The following KAZN variants were observed in gnomAD, a reference collection of about 807,000 sequenced individuals.
KAZN encodes the protein kazrin, periplakin interacting protein, also known as kazrin.
In KAZN, 40 loss-of-function variants were observed where a neutral mutation model predicts 87.4. The ratio of observed to expected loss-of-function variants is 0.46; its 90% CI spans 0.36 to 0.60. The LOEUF is 0.60. KAZN is among the 20% of genes least tolerant of loss of function. KAZN has a pLI of 0.00. For synonymous variants in KAZN, 466 were observed against 458.3 expected, an observed-to-expected ratio of 1.02 and a Z score of -0.22; for missense variants, 898 against 1,073.9, an observed-to-expected ratio of 0.84 and a Z score of 2.29.
At chr1:14,390,095 T>G (rs908242232) in intron 2 of KAZN, among the ~76,000 whole-genome samples, 30 of 120,620 alleles carry the variant, frequency 2.5e-4, no homozygotes, top group African/African-American at 7.6e-4. Context: ...AATTTCACTG[T>G]TTTTTTTCCA....
At chr1:14,734,076 G>A (rs1402012022) in intron 1 of KAZN, among the ~76,000 whole-genome samples, 1 of 152,200 alleles carries the variant, frequency 6.6e-6, no homozygotes, top group Non-Finnish European at 1.5e-5. Context: ...GGGAATCACA[G>A]TCCAAGGAAC....
intron 1 of KAZN, among the ~76,000 whole-genome samples, chr1:14,164,643 C>T (rs148736638): frequency 0.029 from 4,289 of 148,774 alleles, 208 homozygotes; most frequent in African/African-American, 0.1. Flanking sequence ...TGGGTTCAAG[C>T]GATTCTCCTG....
intron 1 of KAZN, among the ~76,000 whole-genome samples, chr1:14,105,645 C>A (rs1430829321): frequency 6.6e-6 from 1 of 152,178 alleles, no homozygotes; most frequent in Non-Finnish European, 1.5e-5. Context: ...ACTTGGTTTT[C>A]CCACTCTGGT....
rs149029245 is a variant in KAZN at position 14,431,230 on chromosome 1, A to G, written c.250-167753A>G. ...ACTTAGCATCCACCTGACATTGGCCATAGTGCTCGACAATTTCTCATTTAA... is the reference window on the plus strand; with the variant it reads ...ACTTAGCATCCACCTGACATTGGCCGTAGTGCTCGACAATTTCTCATTTAA... On this transcript the variant is annotated intron_variant, in intron 2 of 16. Transcript: ENST00000636203. 2.5e-3 allele frequency among the ~76,000 whole-genome samples: 382 copies of G among 152,328 alleles called. 2 individuals are homozygous for G. The highest frequency in any genetic ancestry group is 8.9e-3 in the African/African-American group (368 of 41,574).
chr1:14,675,191 T>C (rs988018444), intron 1 of KAZN, among the ~76,000 whole-genome samples: 2 of 152,220 alleles, frequency 1.3e-5, no homozygotes, highest in Admixed American at 1.3e-4. Context: ...AGCCACAGGC[T>C]GCCACCAGGC....
intron 2 of KAZN, among the ~76,000 whole-genome samples, chr1:14,365,363 CGGGGTG>C (rs368466604): frequency 0.18 from 16,345 of 89,796 alleles, 1,339 homozygotes; most frequent in Admixed American, 0.23. Flanking sequence ...CCCCTCCCCC[CGGGGTG>C]GGGGGGGGGG....
intron 1 of KAZN, among the ~76,000 whole-genome samples, chr1:14,937,672 G>A (rs1660610822): frequency 6.6e-6 from 1 of 152,230 alleles, no homozygotes; most frequent in South Asian, 2.1e-4. Flanking sequence ...CCCTTCGCCA[G>A]TTTCCTGGCA....
At chr1:15,015,076 A>G (rs1228897918) in intron 2 of KAZN, among the ~76,000 whole-genome samples, 1 of 152,124 alleles carries the variant, frequency 6.6e-6, no homozygotes, top group Non-Finnish European at 1.5e-5. Flanking sequence ...ACATAGTATG[A>G]ACTAAAGACT....
chr1:14,136,683 G>C (rs1645115732), intron 1 of KAZN, among the ~76,000 whole-genome samples: 1 of 152,106 alleles, frequency 6.6e-6, no homozygotes, highest in African/African-American at 2.4e-5. Context: ...GCCAGGGATG[G>C]GAATGTGGCT....
chr1:14,140,591 G>A (rs980426989), intron 1 of KAZN, among the ~76,000 whole-genome samples: 2 of 151,896 alleles, frequency 1.3e-5, no homozygotes, highest in Non-Finnish European at 2.9e-5. Context: ...AAAAGAAAAA[G>A]AGCCCAATCA....
At chr1:14,589,692 C>T (rs930081397) in intron 2 of KAZN, among the ~76,000 whole-genome samples, 4 of 152,156 alleles carry the variant, frequency 2.6e-5, no homozygotes, top group Non-Finnish European at 5.9e-5. Context: ...TCTGAGACCC[C>T]TTTGCAATAA....
chr1:14,129,431 C>T (rs1402572559), intron 1 of KAZN, among the ~76,000 whole-genome samples: 3 of 152,222 alleles, frequency 2.0e-5, no homozygotes, highest in Non-Finnish European at 4.4e-5. Context: ...CTTCAAGCAT[C>T]AGGCCTAATT....
intron 2 of KAZN, among the ~76,000 whole-genome samples, chr1:14,585,875 TTGTC>T (rs1432759243): frequency 5.9e-5 from 9 of 152,162 alleles, no homozygotes; most frequent in Non-Finnish European, 1.2e-4. Flanking sequence ...CTTCTGCTGA[TTGTC>T]TGTTAGAATT....
intron 1 of KAZN, among the ~76,000 whole-genome samples, chr1:13,970,773 G>T (rs1229925760): frequency 2.0e-5 from 3 of 152,108 alleles, no homozygotes; most frequent in African/African-American, 4.8e-5. Flanking sequence ...CTTCTATTCT[G>T]ATTTACTGGC....
intron 1 of KAZN, among the ~76,000 whole-genome samples, chr1:14,847,237 T>A (rs185869037): frequency 6.6e-6 from 1 of 152,298 alleles, no homozygotes; most frequent in Non-Finnish European, 1.5e-5. Context: ...CACAGTGCCA[T>A]CTGCCTGGGC....
At chr1:14,508,067 T>C (rs1011229503) in intron 2 of KAZN, among the ~76,000 whole-genome samples, 1 of 151,848 alleles carries the variant, frequency 6.6e-6, no homozygotes, top group African/African-American at 2.4e-5. Flanking sequence ...GACCCCCCAG[T>C]ACCCTGCCTC....
At chr1:14,931,132 G>A (rs2101575063) in intron 1 of KAZN, among the ~76,000 whole-genome samples, 1 of 152,242 alleles carries the variant, frequency 6.6e-6, no homozygotes, top group South Asian at 2.1e-4. Context: ...GGCCAGATAT[G>A]AAACCTTAGA....
intron 2 of KAZN, among the ~76,000 whole-genome samples, chr1:14,514,330 A>AAAAATATATATATATATT (rs1671087919): frequency 7.7e-5 from 1 of 12,968 alleles, no homozygotes; most frequent in African/African-American, 2.0e-4. Flanking sequence ...GTCTCAAAAA[A>AAAAATATATATATATATT]TTTATATATA....
chr1:14,827,503 C>T (rs765648010), intron 1 of KAZN, among the ~76,000 whole-genome samples: 5 of 152,084 alleles, frequency 3.3e-5, no homozygotes, highest in Non-Finnish European at 5.9e-5. Flanking sequence ...TGAGAACATG[C>T]GACGTTTGCT....
Sources: allele counts gnomAD v4.1 joint callset (sites outside exome capture counted in the v4.1 genomes callset), GRCh38; gene constraint gnomAD v4.1.1; transcripts MANE v1.5; gene names NCBI Gene and HGNC (gene_info 2026-07-23, HGNC 2026-07-21).